AFG2A: variants seen among roughly 807,000 people sequenced by gnomAD.
AFG2A encodes the protein AAA ATPase AFG2A.
At chr4:122,941,143 A>C in the AFG2A span, among the ~76,000 whole-genome samples, 1,359 of 151,186 alleles carry the variant, frequency 9.0e-3, 9 homozygotes, top group Non-Finnish European at 0.014. Flanking sequence ...TATGAACTTT[A>C]AAGTAGTTTT....
the AFG2A span, among the ~76,000 whole-genome samples, chr4:122,939,217 C>G: frequency 6.6e-6 from 1 of 151,504 alleles, no homozygotes; most frequent in Non-Finnish European, 1.5e-5. Flanking sequence ...TCCCGAGTAG[C>G]TGGGATTACA....
At chr4:123,010,252 T>C in the AFG2A span, among the ~76,000 whole-genome samples, 4 of 152,230 alleles carry the variant, frequency 2.6e-5, no homozygotes, top group Non-Finnish European at 4.4e-5. Context: ...TAACTCCTAC[T>C]CATTCTTCAT....
chr4:123,002,675 C>T, the AFG2A span, among the ~76,000 whole-genome samples: 7 of 152,198 alleles, frequency 4.6e-5, no homozygotes, highest in Admixed American at 1.3e-4. Flanking sequence ...GAGAGATCCG[C>T]TGTTAGTCTG....
At chr4:123,212,204 A>C in the AFG2A span, among the ~76,000 whole-genome samples, 1 of 152,104 alleles carries the variant, frequency 6.6e-6, no homozygotes, top group East Asian at 1.9e-4. Context: ...CGTTTTTAAC[A>C]ATCTGTGGGG....
At chr4:122,997,727 A>G in the AFG2A span, among the ~76,000 whole-genome samples, 2 of 152,200 alleles carry the variant, frequency 1.3e-5, no homozygotes, top group East Asian at 3.8e-4. Flanking sequence ...GATATTTTCC[A>G]AAGTATCTGT....
the AFG2A span, among the ~76,000 whole-genome samples, chr4:123,124,277 G>C: frequency 1.3e-5 from 2 of 152,222 alleles, no homozygotes; most frequent in African/African-American, 2.4e-5. Flanking sequence ...AGAAAATGTG[G>C]CACATATACA....
chr4:123,209,100 GT>G, the AFG2A span, among the ~76,000 whole-genome samples: 1 of 152,124 alleles, frequency 6.6e-6, no homozygotes, highest in African/African-American at 2.4e-5. Flanking sequence ...TAAATTAAGT[GT>G]TTTTGCTGAG....
chr4:122,996,017 G>T, the AFG2A span, among the ~76,000 whole-genome samples: 32 of 152,262 alleles, frequency 2.1e-4, no homozygotes, highest in African/African-American at 7.5e-4. Flanking sequence ...TTACTTCATA[G>T]TGTGATCTTT....
the AFG2A span, among the ~76,000 whole-genome samples, chr4:123,147,964 G>T: frequency 6.6e-6 from 1 of 152,078 alleles, no homozygotes; most frequent in Admixed American, 6.6e-5. Context: ...ATTATTACAA[G>T]ATGATCAGAG....
the AFG2A span, among the ~76,000 whole-genome samples, chr4:123,283,120 A>G: frequency 6.6e-6 from 1 of 152,116 alleles, no homozygotes; most frequent in Non-Finnish European, 1.5e-5. Flanking sequence ...TATATTCACC[A>G]TCTCTCTGGT....
the AFG2A span, among the ~76,000 whole-genome samples, chr4:123,243,419 A>T: frequency 6.6e-6 from 1 of 152,210 alleles, no homozygotes; most frequent in Non-Finnish European, 1.5e-5. Flanking sequence ...ATGCAGCCAT[A>T]AAAAAGGATG....
chr4:123,035,494 T>C, the AFG2A span, among the ~76,000 whole-genome samples: 1 of 152,176 alleles, frequency 6.6e-6, no homozygotes, highest in East Asian at 1.9e-4. Flanking sequence ...TTTATCCCTG[T>C]TTGAATGACT....
At chr4:123,268,776 A>G in the AFG2A span, among the ~76,000 whole-genome samples, 2 of 152,198 alleles carry the variant, frequency 1.3e-5, no homozygotes, top group Non-Finnish European at 2.9e-5. Flanking sequence ...GTGTTCCACC[A>G]AAAAAACAAG....
At chr4:123,118,581 G>T in the AFG2A span, among the ~76,000 whole-genome samples, 4 of 151,574 alleles carry the variant, frequency 2.6e-5, no homozygotes, top group African/African-American at 9.7e-5. Flanking sequence ...GCTATTGTCA[G>T]TCTTTTGCCA....
the AFG2A span, among the ~76,000 whole-genome samples, chr4:123,082,149 CA>C: frequency 2.0e-5 from 3 of 152,040 alleles, no homozygotes; most frequent in Non-Finnish European, 4.4e-5. Context: ...GCCAGCTTAT[CA>C]GTTGTTTTAT....
At chr4:123,160,418 C>T in the AFG2A span, among the ~76,000 whole-genome samples, 3,283 of 152,222 alleles carry the variant, frequency 0.022, 113 homozygotes, top group African/African-American at 0.074. Context: ...TCCCTAACTG[C>T]TAATCACCTA....
the AFG2A span, among the ~76,000 whole-genome samples, chr4:123,030,579 C>CA: frequency 6.6e-6 from 1 of 152,102 alleles, no homozygotes; most frequent in African/African-American, 2.4e-5. Context: ...GTTCATAACT[C>CA]AGAGATTATT....
At chr4:123,224,369 T>C in the AFG2A span, among the ~76,000 whole-genome samples, 1 of 144,974 alleles carries the variant, frequency 6.9e-6, no homozygotes, top group Non-Finnish European at 1.5e-5. Flanking sequence ...CCTCCCCCCA[T>C]CCCACAACAG....
At chr4:123,272,438 G>T in the AFG2A span, among the ~76,000 whole-genome samples, 2 of 152,122 alleles carry the variant, frequency 1.3e-5, no homozygotes, top group Non-Finnish European at 2.9e-5. Context: ...CCAGCATTAG[G>T]TGCTATATGG....
Sources: allele counts gnomAD v4.1 joint callset (sites outside exome capture counted in the v4.1 genomes callset), GRCh38; gene constraint gnomAD v4.1.1; transcripts MANE v1.5; gene names NCBI Gene and HGNC (gene_info 2026-07-23, HGNC 2026-07-21).